RHOJ: variants seen among roughly 807,000 people sequenced by gnomAD.
RHOJ encodes ras homolog family member J, also known as rho-related GTP-binding protein RhoJ.
Under a neutral mutation model 23.4 loss-of-function variants are expected in RHOJ, and 11 were observed. The ratio of observed to expected loss-of-function variants is 0.47; its 90% CI spans 0.30 to 0.78. RHOJ has a LOEUF of 0.78. Ranked by LOEUF, RHOJ falls within the 30% of genes least tolerant of loss-of-function variation. RHOJ has a pLI of 0.08. For missense variants in RHOJ, 254 were observed against 273.4 expected (o/e 0.93, Z 0.50); for synonymous variants, 102 against 102.7 (o/e 0.99, Z 0.04).
rs775603896 is a variant in RHOJ at position 63,269,096 on chromosome 14, C to T, written c.179-14C>T. The T allele has an allele frequency of 6.2e-7, 1 of 1,604,622 alleles. No homozygotes were observed. The highest frequency in any genetic ancestry group is 1.1e-5 in the South Asian group (1 of 90,902). ...ATGGACTCTCCTCTTCTTTTCTTTTCTCTTCTCCCCTAGTTACTGTGACTG... is the reference window on the plus strand; with the variant it reads ...ATGGACTCTCCTCTTCTTTTCTTTTTTCTTCTCCCCTAGTTACTGTGACTG... On this transcript the variant is annotated splice_polypyrimidine_tract_variant and intron_variant, in intron 1 of 4. Transcript: ENST00000316754.
chr14:63,247,032 G>T (rs1156601129), intron 1 of RHOJ, among the ~76,000 whole-genome samples: 2 of 152,164 alleles, frequency 1.3e-5, no homozygotes, highest in Non-Finnish European at 2.9e-5. Context: ...AGACAGAACT[G>T]GAAGGGGATT....
At chr14:63,238,141 C>T (rs554417094) in intron 1 of RHOJ, among the ~76,000 whole-genome samples, 2 of 152,128 alleles carry the variant, frequency 1.3e-5, no homozygotes, top group Non-Finnish European at 2.9e-5. Context: ...CAGATGAGAA[C>T]AAAAAATTGT....
intron 1 of RHOJ, among the ~76,000 whole-genome samples, chr14:63,212,090 A>T (rs532855896): frequency 1.3e-5 from 2 of 152,292 alleles, no homozygotes; most frequent in Non-Finnish European, 2.9e-5. Context: ...ACATCTGGTA[A>T]CTCTGACATC....
chr14:63,219,197 A>G (rs1385656077), intron 1 of RHOJ, among the ~76,000 whole-genome samples: 2 of 152,132 alleles, frequency 1.3e-5, no homozygotes, highest in Non-Finnish European at 2.9e-5. Flanking sequence ...TTATTCCCAT[A>G]AACCCTGCAA....
chr14:63,281,023 T>C lies in RHOJ; in HGVS notation c.290T>C (p.Leu97Ser), dbSNP rs1166655367. 6.2e-7 allele frequency: 1 copy of C among 1,614,164 alleles called. No individual in the cohort carries two copies. The highest frequency in any genetic ancestry group is 8.5e-7 in the Non-Finnish European group (1 of 1,180,002). Reference sequence around the variant, plus strand: ...TCCTACCCCAACACGGATGTGTTTTTGATCTGCTTCTCTGTCGTAAACCCT... The same window carrying C: ...TCCTACCCCAACACGGATGTGTTTTCGATCTGCTTCTCTGTCGTAAACCCT... ...PLSYPNTDVF[L>S]ICFSVVNPAS... is the part of the protein sequence containing the mutation. The change falls in exon 3 of 5, where the codon TTG becomes TCG. Residue 97 changes from leucine (L) to serine (S), a missense_variant. Coordinates refer to ENST00000316754, the MANE Select transcript of RHOJ (RefSeq NM_020663.5).
At position 63,288,152 on chromosome 14, in the gene RHOJ, C is replaced by A. The variant is rs530211933; in HGVS notation, c.499-2726C>A. On this transcript the variant is annotated intron_variant, in intron 4 of 4. Coordinates refer to ENST00000316754, the MANE Select transcript of RHOJ (RefSeq NM_020663.5). Reference sequence around the variant, plus strand: ...ATAATGTCATATTAACTCAGTTACACAATAATGCCTTTATCTGCTATTTCA... The same window carrying A: ...ATAATGTCATATTAACTCAGTTACAAAATAATGCCTTTATCTGCTATTTCA... 3.5e-5 allele frequency: 34 copies of A among 983,206 alleles called. No individual in the cohort carries two copies. In the African/African-American group the frequency reaches 4.9e-4, roughly 14 times the overall value. 60.9% of individuals were successfully genotyped at this position (983,206 alleles called of 1,614,324 possible). A position where few individuals can be genotyped will look rare whatever the true frequency, so the allele number is the denominator to read the frequency against.
At chr14:63,288,159 G>A in intron 4 of RHOJ, 2 of 984,664 alleles carry the variant, frequency 2.0e-6, no homozygotes, top group Non-Finnish European at 2.4e-6. Context: ...ACACAATAAT[G>A]CCTTTATCTG....
chr14:63,209,869 T>G (rs752361568), intron 1 of RHOJ, among the ~76,000 whole-genome samples: 1 of 152,004 alleles, frequency 6.6e-6, no homozygotes. Context: ...TTTATTATAT[T>G]TCTGAACTAT....
intron 4 of RHOJ, chr14:63,284,170 A>G: frequency 1.0e-6 from 1 of 956,134 alleles, no homozygotes; most frequent in Non-Finnish European, 1.2e-6. Flanking sequence ...TTCACTTACA[A>G]AATTGTATGC....
intron 1 of RHOJ, among the ~76,000 whole-genome samples, chr14:63,229,987 C>G (rs763051322): frequency 5.3e-5 from 8 of 152,126 alleles, no homozygotes; most frequent in Non-Finnish European, 1.2e-4. Context: ...CTCCCTTCTC[C>G]ACATATTTCT....
At chr14:63,258,449 A>AATAT (rs35755497) in intron 1 of RHOJ, among the ~76,000 whole-genome samples, 3 of 148,840 alleles carry the variant, frequency 2.0e-5, no homozygotes, top group Non-Finnish European at 4.5e-5. Context: ...AACTGTTTAA[A>AATAT]ATATATATAT....
chr14:63,292,173 T>C lies in RHOJ; in HGVS notation c.*1149T>C, dbSNP rs930116381. 3 of 152,190 alleles carry C rather than the reference T, an allele frequency of 2.0e-5. No homozygotes were observed. The highest frequency in any genetic ancestry group is 6.5e-5 in the Admixed American group (1 of 15,282). The allele number at this position is 152,190 out of a possible 1,614,324, so 9.4% of individuals were successfully genotyped here. On this transcript the variant is annotated 3_prime_UTR_variant, in exon 5 of 5. Coordinates refer to ENST00000316754, the MANE Select transcript of RHOJ (RefSeq NM_020663.5). ...CATGTAAGTTCTCATTCCATGTAAA[T>C]GACATTTTCCAGTTACAACTGGTAC...
intron 3 of RHOJ, among the ~76,000 whole-genome samples, chr14:63,281,899 T>C (rs910583741): frequency 6.6e-6 from 1 of 152,256 alleles, no homozygotes; most frequent in African/African-American, 2.4e-5. Context: ...CATTGTTATC[T>C]GTTTCATACG....
intron 1 of RHOJ, among the ~76,000 whole-genome samples, chr14:63,255,376 C>T (rs903647856): frequency 1.3e-5 from 2 of 152,184 alleles, no homozygotes; most frequent in Admixed American, 6.5e-5. Flanking sequence ...TAACTGTCAA[C>T]CACCTTAGGG....
intron 1 of RHOJ, among the ~76,000 whole-genome samples, chr14:63,236,616 G>A (rs537605903): frequency 1.2e-4 from 18 of 152,254 alleles, no homozygotes; most frequent in Non-Finnish European, 2.4e-4. Context: ...CCCACAACAC[G>A]TGGAAATTCA....
chr14:63,254,780 A>G (rs570842789), intron 1 of RHOJ, among the ~76,000 whole-genome samples: 1 of 152,248 alleles, frequency 6.6e-6, no homozygotes, highest in African/African-American at 2.4e-5. Flanking sequence ...AGACAGATGG[A>G]CAGATGGACA....
intron 1 of RHOJ, among the ~76,000 whole-genome samples, chr14:63,252,933 G>A (rs940933640): frequency 1.8e-4 from 28 of 152,110 alleles, no homozygotes; most frequent in Non-Finnish European, 4.4e-5. Flanking sequence ...TTAAGAATAG[G>A]AACATGAAGA....
chr14:63,261,090 A>C (rs1895263684), intron 1 of RHOJ, among the ~76,000 whole-genome samples: 1 of 152,248 alleles, frequency 6.6e-6, no homozygotes, highest in African/African-American at 2.4e-5. Flanking sequence ...ATTCACCAGC[A>C]CTGGGTATTT....
chr14:63,217,226 A>C, intron 1 of RHOJ, among the ~76,000 whole-genome samples: 1 of 139,972 alleles, frequency 7.1e-6, no homozygotes, highest in African/African-American at 2.5e-5. Context: ...TCCCAATGCT[A>C]TCCCTCCCCG....
Sources: allele counts gnomAD v4.1 joint callset (sites outside exome capture counted in the v4.1 genomes callset), GRCh38; gene constraint gnomAD v4.1.1; transcripts MANE v1.5; gene names NCBI Gene and HGNC (gene_info 2026-07-23, HGNC 2026-07-21).